Variants in ATP7A observed in about 807,000 individuals in gnomAD.
The protein encoded by ATP7A is copper-transporting ATPase 1.
Under a neutral mutation model 83.5 loss-of-function variants are expected in ATP7A, and 7 were observed. The observed-to-expected ratio is 0.08, with a 90% CI of 0.05 to 0.16. The LOEUF (loss-of-function observed/expected upper bound fraction) is 0.16, where lower values mean the gene tolerates loss of function less well. ATP7A is among the 10% of genes least tolerant of loss of function. The pLI is 1.00. For synonymous variants in ATP7A, 354 were observed against 395.2 expected (o/e 0.90, Z 1.24); for missense variants, 940 against 1,120.8 (o/e 0.84, Z 2.30).
At chrX:78,036,254 G>T (rs936353362) in intron 17 of ATP7A, among the ~76,000 whole-genome samples, 3 of 111,266 alleles carry the variant, frequency 2.7e-5, no homozygotes, top group Admixed American at 9.6e-5. Context: ...GGGGTGCTGG[G>T]AGTAGTGGGT....
At chrX:78,032,676 A>G (rs782494296) in intron 16 of ATP7A, among the ~76,000 whole-genome samples, 163 of 112,021 alleles carry the variant, frequency 1.5e-3, no homozygotes, top group Non-Finnish European at 2.6e-3. Flanking sequence ...TCTTTTTCTT[A>G]TTCATTTGCA....
At chrX:77,915,755 C>T (rs972281378) in intron 1 of ATP7A, among the ~76,000 whole-genome samples, 2 of 111,686 alleles carry the variant, frequency 1.8e-5, no homozygotes, top group Non-Finnish European at 3.8e-5. Context: ...GGTCTTGCTC[C>T]GTAGCCCAGG....
intron 1 of ATP7A, 104 bp from the exon 2 acceptor site, chrX:77,971,517 G>C (rs1216792543): frequency 3.5e-5 from 28 of 789,986 alleles, no homozygotes; most frequent in Non-Finnish European, 5.2e-5. Context: ...CATGACACTT[G>C]AGCATATATA....
chrX:77,997,321 C>T (rs2077710627), intron 4 of ATP7A, among the ~76,000 whole-genome samples: 2 of 112,228 alleles, frequency 1.8e-5, no homozygotes, highest in Non-Finnish European at 3.8e-5. Context: ...TTAACAAGCT[C>T]CCCCAGGTGA....
chrX:78,012,681 G>A (rs879965513), intron 9 of ATP7A, among the ~76,000 whole-genome samples, 198 bp from the exon 10 acceptor site: 11 of 109,177 alleles, frequency 1.0e-4, no homozygotes, highest in Non-Finnish European at 2.1e-4. Flanking sequence ...CCACAGGCTT[G>A]TGCAGCAATT....
At chrX:77,977,303 G>A (rs1437174852) in intron 2 of ATP7A, among the ~76,000 whole-genome samples, 2 of 111,664 alleles carry the variant, frequency 1.8e-5, no homozygotes, top group African/African-American at 3.3e-5. Flanking sequence ...GGTGTTGAGG[G>A]CCAGAACAGA....
intron 1 of ATP7A, among the ~76,000 whole-genome samples, chrX:77,914,620 G>A (rs2077175962): frequency 9.1e-6 from 1 of 110,292 alleles, no homozygotes; most frequent in African/African-American, 3.3e-5. Context: ...GGCTGGTATC[G>A]AACTCCTGAC....
At chrX:77,953,965 T>C (rs1569549114) in intron 1 of ATP7A, among the ~76,000 whole-genome samples, 1 of 112,179 alleles carries the variant, frequency 8.9e-6, no homozygotes, top group East Asian at 2.8e-4. Flanking sequence ...TCTGTATTGT[T>C]ATCATAGGAC....
intron 6 of ATP7A, among the ~76,000 whole-genome samples, chrX:78,005,683 C>CAAAAAAAAAAAAAAA (rs1218646073): frequency 2.2e-4 from 3 of 13,692 alleles, no homozygotes; most frequent in African/African-American, 3.0e-4. Flanking sequence ...AACTCCATCT[C>CAAAAAAAAAAAAAAA]AAAAAAAAAA....
chrX:77,953,239 A>G (rs1290165743), intron 1 of ATP7A, among the ~76,000 whole-genome samples: 1 of 112,203 alleles, frequency 8.9e-6, no homozygotes, highest in Non-Finnish European at 1.9e-5. Context: ...GCAGTTCTTG[A>G]TTTAGACATA....
chrX:78,020,866 A>G, intron 13 of ATP7A, 79 bp from the exon 14 acceptor site: 24 of 1,032,515 alleles, frequency 2.3e-5, no homozygotes, highest in Non-Finnish European at 3.1e-5. Flanking sequence ...GCTAACTACT[A>G]AATATACTCT....
intron 1 of ATP7A, among the ~76,000 whole-genome samples, chrX:77,914,713 C>G (rs782606894): frequency 2.7e-4 from 30 of 110,926 alleles, no homozygotes; most frequent in Non-Finnish European, 5.1e-4. Context: ...CTTAAAACAC[C>G]TAGTGTTAAA....
intron 1 of ATP7A, among the ~76,000 whole-genome samples, chrX:77,932,177 C>T (rs2077287355): frequency 9.2e-6 from 1 of 109,232 alleles, no homozygotes; most frequent in Non-Finnish European, 1.9e-5. Context: ...AGGGTCTCCT[C>T]ACTTCTCAGA....
intron 1 of ATP7A, among the ~76,000 whole-genome samples, chrX:77,956,726 CCTTTCTTTCTTTCTTTCTT>C (rs1156462985): frequency 1.1e-3 from 78 of 73,777 alleles, no homozygotes; most frequent in African/African-American, 3.8e-3. Flanking sequence ...TACCCAGTCT[CCTTTCTTTCTTTCTTTCTT>C]TCTTTCTTTC....
chrX:78,029,649 T>A lies in ATP7A; in HGVS notation c.3111+205T>A, dbSNP rs184624627. ...TGTTACCTAAGATTCCTAAAACTAC[T>A]CCAGGCCTATTTATTAGAGCAGACC... On this transcript the variant is annotated intron_variant, in intron 15 of 22. Transcript: ENST00000341514. Among the ~76,000 whole-genome samples the A allele has an allele frequency of 1.8e-3, 198 of 111,912 alleles. 1 individual carries two copies. The highest frequency in any genetic ancestry group is 5.8e-3 in the African/African-American group (180 of 30,866).
At chrX:78,027,145 C>T (rs1254662584) in intron 14 of ATP7A, among the ~76,000 whole-genome samples, 18 of 104,145 alleles carry the variant, frequency 1.7e-4, no homozygotes, top group African/African-American at 3.5e-4. Flanking sequence ...AACAAAACTC[C>T]GTCTCAAAAA....
intron 1 of ATP7A, among the ~76,000 whole-genome samples, chrX:77,925,793 C>T (rs1284886669): frequency 1.8e-5 from 2 of 111,307 alleles, no homozygotes; most frequent in African/African-American, 6.5e-5. Context: ...TAAAGTGTTT[C>T]TGTGGTTTCA....
chrX:78,040,249 A>G (rs2078039145), intron 18 of ATP7A, among the ~76,000 whole-genome samples: 1 of 97,460 alleles, frequency 1.0e-5, no homozygotes, highest in Non-Finnish European at 2.0e-5. Flanking sequence ...CTTCAGTTTC[A>G]TTTGCCTATA....
intron 7 of ATP7A, among the ~76,000 whole-genome samples, chrX:78,009,954 C>G (rs991565193): frequency 8.9e-6 from 1 of 112,742 alleles, no homozygotes; most frequent in Non-Finnish European, 1.9e-5. Flanking sequence ...ACAATCCTTT[C>G]TTTGTGACAG....
Sources: allele counts gnomAD v4.1 joint callset (sites outside exome capture counted in the v4.1 genomes callset), GRCh38; gene constraint gnomAD v4.1.1; transcripts MANE v1.5; gene names NCBI Gene and HGNC (gene_info 2026-07-23, HGNC 2026-07-21).